The following ENTREP2 variants were observed in gnomAD, a reference collection of about 807,000 sequenced individuals.
ENTREP2 encodes the protein endosomal transmembrane epsin interactor 2, also known as protein ENTREP2.
At chr15:29,543,415 G>A in the ENTREP2 span, among the ~76,000 whole-genome samples, 1 of 152,206 alleles carries the variant, frequency 6.6e-6, no homozygotes. Flanking sequence ...AGCAGAGAAA[G>A]AATGTCATGT....
At chr15:29,260,424 A>G in the ENTREP2 span, among the ~76,000 whole-genome samples, 9 of 152,240 alleles carry the variant, frequency 5.9e-5, no homozygotes, top group Non-Finnish European at 1.0e-4. Context: ...GGAAGGAAAC[A>G]AAAGGAAATT....
the ENTREP2 span, among the ~76,000 whole-genome samples, chr15:29,508,650 G>A: frequency 2.0e-5 from 3 of 152,128 alleles, no homozygotes; most frequent in South Asian, 2.1e-4. Flanking sequence ...TGACAAAAAC[G>A]ACATGATTAT....
the ENTREP2 span, among the ~76,000 whole-genome samples, chr15:29,131,250 T>A: frequency 6.6e-6 from 1 of 152,018 alleles, no homozygotes; most frequent in Non-Finnish European, 1.5e-5. Flanking sequence ...CAAGGCAAAC[T>A]TTGAAGACAC....
chr15:29,482,082 A>G, the ENTREP2 span, among the ~76,000 whole-genome samples: 1 of 151,766 alleles, frequency 6.6e-6, no homozygotes, highest in Non-Finnish European at 1.5e-5. Context: ...ACTGCAATCT[A>G]CACATTCCAG....
the ENTREP2 span, among the ~76,000 whole-genome samples, chr15:29,621,654 T>C: frequency 6.8e-6 from 1 of 146,190 alleles, no homozygotes; most frequent in Non-Finnish European, 1.5e-5. Context: ...TCGGAACCCT[T>C]GTGCACTGTT....
the ENTREP2 span, among the ~76,000 whole-genome samples, chr15:29,494,699 C>T: frequency 2.6e-4 from 40 of 152,110 alleles, no homozygotes; most frequent in African/African-American, 9.4e-4. Context: ...CATCATTCTC[C>T]TCTCTGTTTC....
At chr15:29,301,951 G>A in the ENTREP2 span, among the ~76,000 whole-genome samples, 1 of 152,124 alleles carries the variant, frequency 6.6e-6, no homozygotes, top group Non-Finnish European at 1.5e-5. Flanking sequence ...CCTGAACTGT[G>A]AGCAATAAAT....
the ENTREP2 span, among the ~76,000 whole-genome samples, chr15:29,664,086 C>T: frequency 1.3e-5 from 2 of 151,842 alleles, no homozygotes; most frequent in African/African-American, 4.8e-5. Flanking sequence ...TAATAAATTG[C>T]TCCCAGCATA....
chr15:29,666,295 G>C, the ENTREP2 span, among the ~76,000 whole-genome samples: 1 of 152,046 alleles, frequency 6.6e-6, no homozygotes, highest in Non-Finnish European at 1.5e-5. Flanking sequence ...GTCACCAGCA[G>C]CTCAGGCCAA....
At chr15:29,563,134 A>C in the ENTREP2 span, among the ~76,000 whole-genome samples, 1 of 152,206 alleles carries the variant, frequency 6.6e-6, no homozygotes, top group Non-Finnish European at 1.5e-5. Flanking sequence ...TTACAGGGAA[A>C]CATGTCAATG....
At chr15:29,283,489 C>T in the ENTREP2 span, among the ~76,000 whole-genome samples, 25 of 152,258 alleles carry the variant, frequency 1.6e-4, 1 homozygote, top group Middle Eastern at 6.8e-3. Flanking sequence ...GCTGGGATTA[C>T]AGGCATAAGC....
At chr15:29,622,672 T>C in the ENTREP2 span, among the ~76,000 whole-genome samples, 1 of 152,318 alleles carries the variant, frequency 6.6e-6, no homozygotes, top group South Asian at 2.1e-4. Context: ...GGGGATGCCC[T>C]GACCTCAAGC....
chr15:29,240,277 T>C, the ENTREP2 span, among the ~76,000 whole-genome samples: 53,463 of 150,922 alleles, frequency 0.35, 9,999 homozygotes, highest in East Asian at 0.59. Flanking sequence ...GGCAGGAGAA[T>C]CGCTTGAACC....
At chr15:29,309,273 G>C in the ENTREP2 span, among the ~76,000 whole-genome samples, 2 of 152,084 alleles carry the variant, frequency 1.3e-5, no homozygotes, top group African/African-American at 2.4e-5. Context: ...TTTTAAAATA[G>C]TTTCAGTTCC....
chr15:29,343,124 G>C, the ENTREP2 span, among the ~76,000 whole-genome samples: 1 of 151,668 alleles, frequency 6.6e-6, no homozygotes, highest in African/African-American at 2.4e-5. Flanking sequence ...TTTTCTCTGA[G>C]AAAGAGAATG....
At chr15:29,187,182 T>C in the ENTREP2 span, among the ~76,000 whole-genome samples, 165 of 152,336 alleles carry the variant, frequency 1.1e-3, 2 homozygotes, top group African/African-American at 3.7e-3. Flanking sequence ...GAGGGAAGGA[T>C]TGAAAAAATT....
At chr15:29,518,631 G>A in the ENTREP2 span, among the ~76,000 whole-genome samples, 1 of 152,070 alleles carries the variant, frequency 6.6e-6, no homozygotes, top group Non-Finnish European at 1.5e-5. Context: ...CAGCCGGGAA[G>A]GGCAGGAGGA....
chr15:29,344,931 G>GACACACACACAC, the ENTREP2 span, among the ~76,000 whole-genome samples: 86 of 142,604 alleles, frequency 6.0e-4, 1 homozygote, highest in African/African-American at 1.7e-3. Context: ...CACGCGCGCA[G>GACACACACACAC]ACACACACAC....
At chr15:29,294,106 TG>T in the ENTREP2 span, among the ~76,000 whole-genome samples, 1 of 151,914 alleles carries the variant, frequency 6.6e-6, no homozygotes, top group Non-Finnish European at 1.5e-5. Context: ...GAGGGCCCTC[TG>T]GGGGGACAGT....
Sources: gnomAD v4.1 joint callset for allele counts (sites outside exome capture counted in the v4.1 genomes callset) on GRCh38, gnomAD v4.1.1 for gene constraint, MANE v1.5 for transcripts, NCBI Gene and HGNC (gene_info 2026-07-23, HGNC 2026-07-21) for gene names.